The following PLPP1 variants were observed in gnomAD, a reference collection of about 807,000 sequenced individuals.
PLPP1 encodes the protein phospholipid phosphatase 1, also known as lipid phosphate phosphohydrolase 1a.
PLPP1 carries 24 observed loss-of-function variants against 31.2 expected under a neutral mutation model. The ratio of observed to expected loss-of-function variants is 0.77; its 90% CI spans 0.56 to 1.08. The LOEUF is 1.08. Among genes scored for constraint, PLPP1 ranks in the 50% least tolerant of loss-of-function variants. PLPP1 has a pLI of 0.00. For missense variants in PLPP1, 319 were observed against 342.7 expected, an observed-to-expected ratio of 0.93 and a Z score of 0.55; for synonymous variants, 146 against 126.3, an observed-to-expected ratio of 1.16 and a Z score of -1.05.
At chr5:55,451,754 G>C (rs1751899402) in intron 3 of PLPP1, among the ~76,000 whole-genome samples, 1 of 151,980 alleles carries the variant, frequency 6.6e-6, no homozygotes, top group African/African-American at 2.4e-5. Flanking sequence ...GTAGAGACGG[G>C]GTTTCACCCT....
intron 2 of PLPP1, 140 bp downstream of exon 2, chr5:55,475,159 T>C: frequency 1.3e-6 from 1 of 785,344 alleles, no homozygotes; most frequent in Non-Finnish European, 1.9e-6. Context: ...GAGATTCTCT[T>C]GATCAAATAA....
intron 1 of PLPP1, among the ~76,000 whole-genome samples, chr5:55,512,061 G>A (rs544632630): frequency 6.6e-6 from 1 of 151,576 alleles, no homozygotes; most frequent in Non-Finnish European, 1.5e-5. Context: ...TCTGGGAGGC[G>A]AAGGTTGCAG....
At chr5:55,478,709 T>G (rs776840016) in intron 1 of PLPP1, among the ~76,000 whole-genome samples, 16 of 152,048 alleles carry the variant, frequency 1.1e-4, no homozygotes, top group Non-Finnish European at 1.6e-4. Context: ...CAGGAGACAG[T>G]GACCTCACCG....
At chr5:55,505,795 G>A (rs1411376789) in intron 1 of PLPP1, among the ~76,000 whole-genome samples, 7 of 152,166 alleles carry the variant, frequency 4.6e-5, no homozygotes, top group Non-Finnish European at 7.3e-5. Flanking sequence ...AGTGGCTCAC[G>A]CCTGTAATCC....
chr5:55,521,361 A>C (rs1003674037), intron 1 of PLPP1, among the ~76,000 whole-genome samples: 36 of 150,994 alleles, frequency 2.4e-4, no homozygotes, highest in African/African-American at 8.1e-4. Flanking sequence ...CAAAAAAAAA[A>C]AAAAAATTGG....
intron 1 of PLPP1, among the ~76,000 whole-genome samples, chr5:55,493,548 T>C (rs1233019900): frequency 2.6e-5 from 4 of 151,596 alleles, no homozygotes; most frequent in Non-Finnish European, 5.9e-5. Context: ...TTCAAGACCA[T>C]TCTGGGCAAC....
chr5:55,504,473 C>T (rs973714634), intron 1 of PLPP1, among the ~76,000 whole-genome samples: 4 of 132,888 alleles, frequency 3.0e-5, no homozygotes, highest in East Asian at 2.2e-4. Flanking sequence ...TGCAGTGAGC[C>T]GAGATTGTGC....
intron 3 of PLPP1, among the ~76,000 whole-genome samples, chr5:55,455,428 C>T (rs755321657): frequency 2.0e-5 from 3 of 151,484 alleles, no homozygotes; most frequent in Non-Finnish European, 4.4e-5. Flanking sequence ...CCTGTCTCTA[C>T]AAAAAAAATA....
intron 1 of PLPP1, among the ~76,000 whole-genome samples, chr5:55,483,814 A>G (rs1752719527): frequency 6.6e-6 from 1 of 152,100 alleles, no homozygotes; most frequent in Non-Finnish European, 1.5e-5. Context: ...AAGGAATTTT[A>G]ATAGACCAAT....
chr5:55,510,631 C>G (rs1753384542), intron 1 of PLPP1, among the ~76,000 whole-genome samples: 1 of 152,122 alleles, frequency 6.6e-6, no homozygotes, highest in African/African-American at 2.4e-5. Flanking sequence ...ACACAATGAC[C>G]CCACCCCCTC....
intron 1 of PLPP1, among the ~76,000 whole-genome samples, chr5:55,510,322 A>G (rs1424576472): frequency 2.0e-5 from 3 of 152,194 alleles, no homozygotes; most frequent in Admixed American, 6.5e-5. Flanking sequence ...ACATTATATG[A>G]CATTCCATTT....
chr5:55,475,377 G>A lies in PLPP1; in HGVS notation c.132C>T (p.Ser44=), dbSNP rs560639105. The A allele has an allele frequency of 4.8e-5, 78 of 1,612,198 alleles. No individual in the cohort carries two copies. In the South Asian group the frequency reaches 7.9e-4, roughly 16 times the overall value. ...FQRGVFCNDE[S]IKYPYKEDTI... ...TGTCTTCTTTGTAAGGGTACTTGAT[G>A]GACTCATCATTACAGAATACTCCTC... Residue 44 remains serine, a synonymous_variant, in exon 2 of 6, where the codon TCC becomes TCT. Transcript: ENST00000307259.
intron 1 of PLPP1, among the ~76,000 whole-genome samples, chr5:55,523,513 C>A (rs957018734): frequency 5.3e-5 from 8 of 152,116 alleles, no homozygotes; most frequent in African/African-American, 1.9e-4. Context: ...ACTTTCCCAG[C>A]CCTCACTTCC....
chr5:55,530,798 C>T (rs1419276437), intron 1 of PLPP1: 8 of 1,453,320 alleles, frequency 5.5e-6, no homozygotes, highest in South Asian at 3.4e-5. Flanking sequence ...TGACAGGGCG[C>T]GGTCCGCACG....
intron 4 of PLPP1, among the ~76,000 whole-genome samples, chr5:55,435,400 C>G: frequency 1.7e-5 from 1 of 57,202 alleles, no homozygotes; most frequent in African/African-American, 4.9e-5. Flanking sequence ...GGTATTAATA[C>G]AAGAGATCAC....
intron 2 of PLPP1, among the ~76,000 whole-genome samples, chr5:55,472,882 C>T (rs1752453205): frequency 6.6e-6 from 1 of 152,168 alleles, no homozygotes; most frequent in Admixed American, 6.5e-5. Context: ...GTAGGCCGTG[C>T]ACATCAACAC....
At chr5:55,447,649 A>G (rs1751797278) in intron 3 of PLPP1, among the ~76,000 whole-genome samples, 1 of 152,216 alleles carries the variant, frequency 6.6e-6, no homozygotes, top group Admixed American at 6.5e-5. Flanking sequence ...ACTCTTGTCA[A>G]TGGTAGACAG....
At chr5:55,444,088 T>A (rs1030438284) in intron 3 of PLPP1, among the ~76,000 whole-genome samples, 8 of 151,754 alleles carry the variant, frequency 5.3e-5, no homozygotes, top group Non-Finnish European at 1.5e-5. Flanking sequence ...CAAATGCTTT[T>A]TTTTTTTTTT....
chr5:55,466,246 C>G (rs1579942981), intron 3 of PLPP1, among the ~76,000 whole-genome samples: 1 of 152,274 alleles, frequency 6.6e-6, no homozygotes, highest in East Asian at 1.9e-4. Context: ...CAAGCAAGTT[C>G]TCTTCCATTC....
Sources: allele counts gnomAD v4.1 joint callset (sites outside exome capture counted in the v4.1 genomes callset), GRCh38; gene constraint gnomAD v4.1.1; transcripts MANE v1.5; gene names NCBI Gene and HGNC (gene_info 2026-07-23, HGNC 2026-07-21).